Variants in SCN11A observed in about 807,000 individuals in gnomAD.
SCN11A encodes the protein sodium voltage-gated channel alpha subunit 11.
In SCN11A, 122 loss-of-function variants were observed where a neutral mutation model predicts 162.2. That is an observed-to-expected ratio of 0.75 (90% CI 0.65 to 0.87). The LOEUF (loss-of-function observed/expected upper bound fraction) is 0.87. Ranked by LOEUF, SCN11A falls within the 40% of genes least tolerant of loss-of-function variation. The pLI, the probability that SCN11A is intolerant of heterozygous loss-of-function variation, is 0.00. For missense variants in SCN11A, 2,015 were observed against 2,181.6 expected, an observed-to-expected ratio of 0.92 and a Z score of 1.52; for synonymous variants, 758 against 751.5, an observed-to-expected ratio of 1.01 and a Z score of -0.14.
Position 38,981,536 on chromosome 3 carries a change from T to TG in SCN11A, c.-279-21114_-279-21113insC, listed in dbSNP as rs1491203501. The stretch of plus-strand genomic sequence containing the variant: ...AGTGTTTCTGTGTTGTGTGTGTGTG[T>TG]TTGTGTGTGTGTGTGTGTGTGTGTG... On this transcript the variant is annotated intron_variant, in intron 2 of 29. Coordinates refer to ENST00000302328, the MANE Select transcript of SCN11A (RefSeq NM_001349253.2). Among the ~76,000 whole-genome samples, 10 of 130,836 alleles carry TG rather than the reference T, an allele frequency of 7.6e-5. No homozygotes were observed. In the South Asian group the frequency reaches 1.4e-3, roughly 18 times the overall value. 85.8% of individuals were successfully genotyped at this position (130,836 alleles called of 152,430 possible). A position where few individuals can be genotyped will look rare whatever the true frequency, so the allele number is the denominator to read the frequency against.
rs748060889 is a variant in SCN11A at position 38,908,069 on chromosome 3, T to C, written c.1353A>G (p.Ser451=). 4.3e-6 allele frequency: 7 copies of C among 1,613,382 alleles called. No individual in the cohort carries two copies. Among genetic ancestry groups the C allele is most frequent in the Non-Finnish European group, 5.1e-6 (6 of 1,179,834 alleles). The change falls in exon 14 of 30, where the codon TCA becomes TCG. Residue 451 remains serine, a synonymous_variant. Transcript: ENST00000302328. The part of the protein sequence containing the change: ...DRSSLTSLET[S]YFTPKKRKLF... ...GCTTTCTCTTTTTTGGGGTAAAATA[T>C]GATGTTTCAAGGGAAGTAAGTGAAC...
chr3:39,018,166 C>T (rs1393674710), intron 2 of SCN11A, among the ~76,000 whole-genome samples: 1 of 152,204 alleles, frequency 6.6e-6, no homozygotes, highest in Non-Finnish European at 1.5e-5. Flanking sequence ...TTTGTGAACC[C>T]TGGGCACTGT....
chr3:38,995,811 A>ATCTG (rs1168443401), intron 2 of SCN11A, among the ~76,000 whole-genome samples: 1 of 142,862 alleles, frequency 7.0e-6, no homozygotes, highest in African/African-American at 2.9e-5. Flanking sequence ...CTATCTATCT[A>ATCTG]TCTATCTGTC....
chr3:38,894,402 G>T, intron 19 of SCN11A, 131 bp downstream of exon 19: 1 of 728,914 alleles, frequency 1.4e-6, no homozygotes, highest in Non-Finnish European at 2.3e-6. Flanking sequence ...ATGTGCACAT[G>T]GGTATCAAAG....
intron 12 of SCN11A, among the ~76,000 whole-genome samples, chr3:38,909,862 G>A (rs985162275): frequency 6.6e-6 from 1 of 152,034 alleles, no homozygotes; most frequent in Non-Finnish European, 1.5e-5. Context: ...GGGAGTCAGC[G>A]TGCCTGGCCA....
At chr3:39,001,866 C>G (rs1022183323) in intron 2 of SCN11A, among the ~76,000 whole-genome samples, 1 of 151,996 alleles carries the variant, frequency 6.6e-6, no homozygotes, top group Non-Finnish European at 1.5e-5. Context: ...AACCCCGTCT[C>G]TACTAAAAAA....
intron 2 of SCN11A, among the ~76,000 whole-genome samples, chr3:39,014,043 T>C (rs2031220307): frequency 6.6e-6 from 1 of 152,234 alleles, no homozygotes; most frequent in African/African-American, 2.4e-5. Context: ...ATAATACCTT[T>C]GCCTTCGAGC....
intron 2 of SCN11A, among the ~76,000 whole-genome samples, chr3:38,999,676 A>G (rs1261981845): frequency 1.3e-5 from 2 of 152,194 alleles, no homozygotes; most frequent in African/African-American, 4.8e-5. Flanking sequence ...ATTTGTCAGC[A>G]TAATAATCAC....
rs373751734 is a variant in SCN11A, at chr3:38,960,413, C to A, written c.-269G>T. Among the ~76,000 whole-genome samples, 1 of 152,074 alleles carries A rather than the reference C, an allele frequency of 6.6e-6. No individual in the cohort carries two copies. ...CTGCCTGGAGCCCTTCTGGGAGGAG[C>A]GGCTTGGAGGCTGGGTGGAGAGTGT... On this transcript the variant is annotated 5_prime_UTR_variant, in exon 3 of 30. Coordinates refer to ENST00000302328, the MANE Select transcript of SCN11A (RefSeq NM_001349253.2).
chr3:38,903,395 C>A (rs4594561), intron 16 of SCN11A, among the ~76,000 whole-genome samples: 90,941 of 151,884 alleles, frequency 0.6, 27,904 homozygotes, highest in South Asian at 0.67. Context: ...GCCTGACCAA[C>A]CCCCAAACAA....
intron 2 of SCN11A, among the ~76,000 whole-genome samples, chr3:38,993,904 T>C (rs1478019867): frequency 6.6e-6 from 1 of 152,220 alleles, no homozygotes; most frequent in East Asian, 1.9e-4. Context: ...ACAAATTACA[T>C]GGGAAGCAGC....
chr3:39,050,331 C>T (rs2032302962), intron 1 of SCN11A, among the ~76,000 whole-genome samples: 1 of 152,210 alleles, frequency 6.6e-6, no homozygotes. Context: ...TAGTACTTAT[C>T]TCTGTATTAA....
chr3:38,893,653 T>C (rs1386345600), intron 19 of SCN11A, among the ~76,000 whole-genome samples: 3 of 152,132 alleles, frequency 2.0e-5, no homozygotes, highest in Admixed American at 6.5e-5. Flanking sequence ...AGGGCTGAAA[T>C]TGTACAAAGT....
chr3:38,968,344 C>T (rs2066795792), intron 2 of SCN11A, among the ~76,000 whole-genome samples: 1 of 152,238 alleles, frequency 6.6e-6, no homozygotes, highest in African/African-American at 2.4e-5. Context: ...TGAACCTCAA[C>T]AGAGGCCAGA....
chr3:38,990,615 A>G (rs1031945733), intron 2 of SCN11A, among the ~76,000 whole-genome samples: 3 of 152,176 alleles, frequency 2.0e-5, no homozygotes, highest in African/African-American at 7.2e-5. Flanking sequence ...TTTGAGAACA[A>G]TAACAATAGT....
chr3:38,868,904 C>T lies in SCN11A; in HGVS notation c.3814-1446G>A, dbSNP rs191422922. 1.9e-3 allele frequency among the ~76,000 whole-genome samples: 284 copies of T among 152,214 alleles called. 2 individuals carry two copies. Among genetic ancestry groups the T allele is most frequent in the Non-Finnish European group, 1.8e-3 (121 of 68,016 alleles). On this transcript the variant is annotated intron_variant, in intron 26 of 29. Coordinates refer to ENST00000302328, the MANE Select transcript of SCN11A (RefSeq NM_001349253.2). ...TCTCAGTTCTCATGTGGCTTGGACA[C>T]GGAGTTGATAGCCATGGGCCTGTCA...
chr3:38,927,374 A>T (rs186286037), intron 7 of SCN11A, among the ~76,000 whole-genome samples: 5 of 152,204 alleles, frequency 3.3e-5, no homozygotes, highest in Non-Finnish European at 7.4e-5. Context: ...TTGTTAAGAT[A>T]TCGTACTACC....
intron 2 of SCN11A, among the ~76,000 whole-genome samples, chr3:38,997,822 G>A (rs751360241): frequency 3.9e-5 from 6 of 152,148 alleles, no homozygotes; most frequent in Non-Finnish European, 5.9e-5. Context: ...TTTCCCCACC[G>A]TCTGCAGTAT....
intron 2 of SCN11A, among the ~76,000 whole-genome samples, chr3:38,985,280 A>C (rs2030197793): frequency 6.7e-6 from 1 of 149,810 alleles, no homozygotes; most frequent in Admixed American, 6.6e-5. Flanking sequence ...GGCACCCGCC[A>C]CTACGCCCGG....
Sources: allele counts gnomAD v4.1 joint callset (sites outside exome capture counted in the v4.1 genomes callset), GRCh38; gene constraint gnomAD v4.1.1; transcripts MANE v1.5; gene names NCBI Gene and HGNC (gene_info 2026-07-23, HGNC 2026-07-21).